Variants in RNGTT observed in about 807,000 individuals in gnomAD.
The protein encoded by RNGTT is mRNA-capping enzyme.
A neutral mutation model predicts 79.3 loss-of-function variants in RNGTT; 33 were observed. The observed-to-expected ratio is 0.42, with a 90% CI of 0.32 to 0.56. RNGTT has a LOEUF of 0.56. RNGTT is among the 20% of genes least tolerant of loss of function. RNGTT has a pLI of 0.17. For synonymous variants in RNGTT, 222 were observed against 235.9 expected, an observed-to-expected ratio of 0.94 and a Z score of 0.54; for missense variants, 497 against 739.1, an observed-to-expected ratio of 0.67 and a Z score of 3.80.
chr6:88,644,846 C>T (rs534347773), intron 14 of RNGTT, among the ~76,000 whole-genome samples: 6 of 152,240 alleles, frequency 3.9e-5, no homozygotes, highest in Non-Finnish European at 5.9e-5. Context: ...ATTGATGGGG[C>T]GTATCTCAAA....
chr6:88,715,964 A>T (rs550560731), intron 13 of RNGTT, among the ~76,000 whole-genome samples: 1 of 152,274 alleles, frequency 6.6e-6, no homozygotes, highest in East Asian at 1.9e-4. Flanking sequence ...AAATTGACAA[A>T]TGGGATCTAA....
chr6:88,952,110 C>T (rs1785270754), intron 1 of RNGTT, among the ~76,000 whole-genome samples: 1 of 152,102 alleles, frequency 6.6e-6, no homozygotes, highest in African/African-American at 2.4e-5. Context: ...ACCAGCCTCA[C>T]CAACTGCATG....
Position 88,960,065 on chromosome 6 carries a change from A to T in RNGTT, c.64+3281T>A, listed in dbSNP as rs192532166. ...CTTCCTTCCCATCTCTTCTTCCTCA[A>T]CCTCAAAGAATTAGGTTTATTACCT... On this transcript the variant is annotated intron_variant, in intron 1 of 15. Transcript: ENST00000369485. Among the ~76,000 whole-genome samples, 232 of 152,162 alleles carry T rather than the reference A, an allele frequency of 1.5e-3. 1 individual carries two copies. Among genetic ancestry groups the T allele is most frequent in the Middle Eastern group, 3.4e-3 (1 of 294 alleles).
At chr6:88,651,609 A>G (rs1344101392) in intron 14 of RNGTT, among the ~76,000 whole-genome samples, 3 of 151,474 alleles carry the variant, frequency 2.0e-5, no homozygotes, top group African/African-American at 7.3e-5. Context: ...GCTGACAAAG[A>G]AAAAAAGGAT....
At chr6:88,816,011 TATAAAA>T (rs1317863443) in intron 11 of RNGTT, among the ~76,000 whole-genome samples, 1 of 152,196 alleles carries the variant, frequency 6.6e-6, no homozygotes, top group Non-Finnish European at 1.5e-5. Flanking sequence ...CTCAAAATCA[TATAAAA>T]ATAAGACCTA....
At chr6:88,713,694 G>A (rs947976883) in intron 13 of RNGTT, among the ~76,000 whole-genome samples, 1 of 151,620 alleles carries the variant, frequency 6.6e-6, no homozygotes, top group East Asian at 1.9e-4. Flanking sequence ...AAATGGAATT[G>A]TTTATTTTCA....
chr6:88,715,095 C>T (rs1776461170), intron 13 of RNGTT, among the ~76,000 whole-genome samples: 2 of 152,180 alleles, frequency 1.3e-5, no homozygotes, highest in Admixed American at 1.3e-4. Flanking sequence ...TCTCCTTAAG[C>T]TGACAGGCAA....
At chr6:88,763,362 T>G (rs1439251483) in intron 13 of RNGTT, among the ~76,000 whole-genome samples, 1 of 151,660 alleles carries the variant, frequency 6.6e-6, no homozygotes, top group Non-Finnish European at 1.5e-5. Context: ...AAGTTTTGTG[T>G]GGGCATATGT....
intron 14 of RNGTT, among the ~76,000 whole-genome samples, chr6:88,629,012 GA>G (rs60570193): frequency 0.021 from 3,165 of 151,932 alleles, 123 homozygotes; most frequent in African/African-American, 0.071. Context: ...TGCATGTGAA[GA>G]AAAAAAATCC....
At chr6:88,814,345 C>A (rs1225454724) in intron 11 of RNGTT, among the ~76,000 whole-genome samples, 2 of 152,178 alleles carry the variant, frequency 1.3e-5, no homozygotes, top group Non-Finnish European at 2.9e-5. Context: ...CTATGCTACT[C>A]ACTGACTTTC....
At chr6:88,826,364 C>T (rs1780654894) in intron 11 of RNGTT, among the ~76,000 whole-genome samples, 1 of 152,142 alleles carries the variant, frequency 6.6e-6, no homozygotes, top group Non-Finnish European at 1.5e-5. Flanking sequence ...TTAACTTAAA[C>T]CTACGAGTTT....
intron 12 of RNGTT, among the ~76,000 whole-genome samples, chr6:88,798,384 G>C (rs957980821): frequency 6.6e-6 from 1 of 151,868 alleles, no homozygotes; most frequent in Non-Finnish European, 1.5e-5. Context: ...AGGATTGCTT[G>C]AACCCAGGAG....
chr6:88,874,668 A>T (rs1252077051), intron 8 of RNGTT, among the ~76,000 whole-genome samples: 2 of 152,084 alleles, frequency 1.3e-5, no homozygotes, highest in East Asian at 1.9e-4. Context: ...AAAAAAAAAA[A>T]ATATGAAAAT....
chr6:88,733,191 T>C (rs1777170401), intron 13 of RNGTT, among the ~76,000 whole-genome samples: 1 of 151,886 alleles, frequency 6.6e-6, no homozygotes, highest in African/African-American at 2.4e-5. Context: ...CAAAACCCCA[T>C]CTCTACGAAA....
intron 13 of RNGTT, among the ~76,000 whole-genome samples, chr6:88,737,575 A>G (rs773110859): frequency 2.0e-5 from 3 of 152,158 alleles, no homozygotes; most frequent in Admixed American, 1.3e-4. Flanking sequence ...CGAAGTAATT[A>G]AGAGTAAATG....
intron 13 of RNGTT, among the ~76,000 whole-genome samples, chr6:88,698,958 G>A (rs1230531319): frequency 1.3e-5 from 2 of 152,076 alleles, no homozygotes; most frequent in African/African-American, 2.4e-5. Context: ...TATGTAGTAC[G>A]CATAACTCTA....
intron 9 of RNGTT, among the ~76,000 whole-genome samples, chr6:88,852,840 T>C (rs970744377): frequency 6.6e-6 from 1 of 152,180 alleles, no homozygotes; most frequent in Non-Finnish European, 1.5e-5. Context: ...TTTTTAACCC[T>C]ACAATTTTCA....
intron 11 of RNGTT, among the ~76,000 whole-genome samples, chr6:88,823,303 G>A (rs1363156996): frequency 2.0e-5 from 3 of 152,048 alleles, no homozygotes; most frequent in Non-Finnish European, 4.4e-5. Flanking sequence ...GTGGTGCCAC[G>A]TGCCTGTAAG....
intron 4 of RNGTT, among the ~76,000 whole-genome samples, chr6:88,919,428 A>C (rs945076786): frequency 2.6e-5 from 4 of 152,210 alleles, no homozygotes; most frequent in African/African-American, 9.6e-5. Flanking sequence ...ATGTTGGGGC[A>C]GTTTATAAAG....
Sources: allele counts gnomAD v4.1 joint callset (sites outside exome capture counted in the v4.1 genomes callset), GRCh38; gene constraint gnomAD v4.1.1; transcripts MANE v1.5; gene names NCBI Gene and HGNC (gene_info 2026-07-23, HGNC 2026-07-21).